The following PIEZO2 variants were observed in gnomAD, a reference collection of about 807,000 sequenced individuals.
The protein encoded by PIEZO2 is piezo-type mechanosensitive ion channel component 2.
PIEZO2 carries 172 observed loss-of-function variants against 337.3 expected under a neutral mutation model. The ratio of observed to expected loss-of-function variants is 0.51; its 90% CI spans 0.45 to 0.58. PIEZO2 has a LOEUF of 0.58. PIEZO2 is among the 20% of genes least tolerant of loss of function. The probability of loss-of-function intolerance (pLI) is 0.00; values close to 1 mark genes in which losing one functional copy is unlikely to be tolerated. For missense variants in PIEZO2, 3,028 were observed against 3,391.3 expected (o/e 0.89, Z 2.66); for synonymous variants, 1,251 against 1,228.5 (o/e 1.02, Z -0.38).
chr18:11,147,445 GC>G (rs1348952563), intron 1 of PIEZO2, among the ~76,000 whole-genome samples: 1 of 152,170 alleles, frequency 6.6e-6, no homozygotes, highest in Non-Finnish European at 1.5e-5. Context: ...TCACGCTACA[GC>G]CCCCATTCGA....
intron 8 of PIEZO2, among the ~76,000 whole-genome samples, chr18:10,805,712 G>A (rs1206587436): frequency 6.6e-6 from 1 of 152,172 alleles, no homozygotes; most frequent in African/African-American, 2.4e-5. Flanking sequence ...AAATCATTTT[G>A]TTACTATACA....
chr18:11,133,808 G>GTATATA (rs145467043), intron 1 of PIEZO2, among the ~76,000 whole-genome samples: 22 of 147,014 alleles, frequency 1.5e-4, no homozygotes, highest in African/African-American at 4.0e-4. Flanking sequence ...ATATATGTGT[G>GTATATA]TATATATATA....
chr18:11,124,841 C>T (rs1480773641), intron 1 of PIEZO2, among the ~76,000 whole-genome samples: 2 of 152,154 alleles, frequency 1.3e-5, no homozygotes, highest in Non-Finnish European at 2.9e-5. Flanking sequence ...CGTACATGGT[C>T]AGATTTTCAC....
At chr18:10,754,540 A>G (rs1336344156) in intron 27 of PIEZO2, among the ~76,000 whole-genome samples, 1 of 152,260 alleles carries the variant, frequency 6.6e-6, no homozygotes, top group Non-Finnish European at 1.5e-5. Context: ...AATGGCACAC[A>G]AAAGCTTTCC....
intron 28 of PIEZO2, among the ~76,000 whole-genome samples, chr18:10,752,396 T>C (rs2037682316): frequency 6.6e-6 from 1 of 152,226 alleles, no homozygotes; most frequent in South Asian, 2.1e-4. Flanking sequence ...TAGAATTTAT[T>C]CCTATGAACA....
At chr18:10,832,630 C>T (rs2040879295) in intron 7 of PIEZO2, among the ~76,000 whole-genome samples, 1 of 152,194 alleles carries the variant, frequency 6.6e-6, no homozygotes, top group African/African-American at 2.4e-5. Flanking sequence ...AATAACAGTA[C>T]TTGTTTAATG....
intron 2 of PIEZO2, among the ~76,000 whole-genome samples, chr18:11,022,255 G>A (rs941729489): frequency 1.3e-5 from 2 of 152,180 alleles, no homozygotes; most frequent in African/African-American, 4.8e-5. Flanking sequence ...GGGTATGACA[G>A]TAGCAGAGCC....
rs1314993947 is a variant in PIEZO2 at position 11,131,332 on chromosome 18, G to A, written c.64+17193C>T. Reference sequence around the variant, plus strand: ...CACAAGTAAGTTACATGAGGAAGTGGCTCGAATGCCTATCATCTCCACCCC... The same window carrying A: ...CACAAGTAAGTTACATGAGGAAGTGACTCGAATGCCTATCATCTCCACCCC... On this transcript the variant is annotated intron_variant, in intron 1 of 55. Coordinates refer to ENST00000674853, the MANE Select transcript of PIEZO2 (RefSeq NM_001378183.1). The surrounding 1 kb of genome is among the most constrained non-coding windows in gnomAD (Gnocchi z 5.3). Among the ~76,000 whole-genome samples, 2 of 152,158 alleles carry A rather than the reference G, an allele frequency of 1.3e-5. No homozygotes were observed. Among genetic ancestry groups the A allele is most frequent in the Admixed American group, 1.3e-4 (2 of 15,270 alleles).
chr18:10,827,121 C>T (rs544107450), intron 7 of PIEZO2, among the ~76,000 whole-genome samples: 1 of 152,272 alleles, frequency 6.6e-6, no homozygotes, highest in Admixed American at 6.5e-5. Context: ...ATACCTATTA[C>T]TGGCCTCAGT....
intron 42 of PIEZO2, among the ~76,000 whole-genome samples, chr18:10,703,613 A>G (rs950574093): frequency 6.6e-6 from 1 of 152,180 alleles, no homozygotes; most frequent in Admixed American, 6.5e-5. Flanking sequence ...AGGGAAGAAA[A>G]TCAGTCTCTT....
intron 3 of PIEZO2, among the ~76,000 whole-genome samples, chr18:10,946,221 G>C (rs2033013409): frequency 6.6e-6 from 1 of 152,178 alleles, no homozygotes. Context: ...ACAGCAGCCA[G>C]AGATAAAAGT....
chr18:10,784,815 T>G lies in PIEZO2; in HGVS notation c.2461A>C (p.Ile821Leu), dbSNP rs1380560202. ...RFLELTDLKS[I>L]PSKEDNTIYS... is the part of the protein sequence containing the mutation. The stretch of plus-strand genomic sequence containing the variant: ...ATGGTGTTGTCTTCTTTGCTGGGAA[T>G]GGACTTGAGGTCTGTGAGTTCAAGG... Residue 821 changes from isoleucine (I) to leucine (L), a missense_variant, in exon 17 of 56, where the codon ATT becomes CTT. This residue lies in a region of PIEZO2 where 1,925 missense variants were observed against 2,051.9 expected (regional missense o/e 0.94). Transcript: ENST00000674853. The surrounding 1 kb of genome is among the most constrained non-coding windows in gnomAD (Gnocchi z 4.5). 3 of 1,537,230 alleles carry G rather than the reference T, an allele frequency of 2.0e-6. No individual in the cohort carries two copies. The highest frequency in any genetic ancestry group is 2.4e-5 in the South Asian group (2 of 83,994).
At chr18:10,812,632 C>T (rs963880655) in intron 7 of PIEZO2, among the ~76,000 whole-genome samples, 15 of 152,118 alleles carry the variant, frequency 9.9e-5, no homozygotes, top group Non-Finnish European at 1.5e-5. Context: ...TGAGGTCCAG[C>T]GCACGGTTCA....
chr18:11,117,983 T>C (rs563763040), intron 1 of PIEZO2, among the ~76,000 whole-genome samples: 8 of 152,380 alleles, frequency 5.3e-5, no homozygotes, highest in Admixed American at 4.6e-4. Flanking sequence ...TTAAGCTTTC[T>C]GTTTATGTAC....
Position 10,929,887 on chromosome 18 carries a change from A to T in PIEZO2, c.287-18659T>A, listed in dbSNP as rs767360435. ...GCCCCTCAGCCCAGGAGGCCCAAAG[A>T]AGCCTAAAAAACCAGTTCAGACAAT... is the stretch of plus-strand genomic sequence containing the variant. On this transcript the variant is annotated intron_variant, in intron 3 of 55. Coordinates refer to ENST00000674853, the MANE Select transcript of PIEZO2 (RefSeq NM_001378183.1). The surrounding 1 kb of genome is among the most constrained non-coding windows in gnomAD (Gnocchi z 5.6). 1.3e-5 allele frequency among the ~76,000 whole-genome samples: 2 copies of T among 152,196 alleles called. No individual in the cohort carries two copies. The highest frequency in any genetic ancestry group is 2.9e-5 in the Non-Finnish European group (2 of 68,038).
chr18:10,880,846 C>T (rs1338893187), intron 4 of PIEZO2, among the ~76,000 whole-genome samples: 1 of 68,064 alleles, frequency 1.5e-5, no homozygotes. Flanking sequence ...TCCCACATAT[C>T]ATATATATAT....
rs369146097 is a variant in PIEZO2, at chr18:10,963,069, G to A, written c.286+16466C>T. On this transcript the variant is annotated intron_variant, in intron 3 of 55. Coordinates refer to ENST00000674853, the MANE Select transcript of PIEZO2 (RefSeq NM_001378183.1). ...TGGGAGCCTGAGGTGGGTGGATCACGAGGTCAGGAGTTCAAGACCAGCCTA... is the reference window on the plus strand; with the variant it reads ...TGGGAGCCTGAGGTGGGTGGATCACAAGGTCAGGAGTTCAAGACCAGCCTA... Among the ~76,000 whole-genome samples, 16 of 152,184 alleles carry A rather than the reference G, an allele frequency of 1.1e-4. No individual in the cohort carries two copies. In the South Asian group the frequency reaches 2.3e-3, roughly 22 times the overall value.
At chr18:10,961,870 TAAAC>T (rs1449794965) in intron 3 of PIEZO2, among the ~76,000 whole-genome samples, 4 of 152,120 alleles carry the variant, frequency 2.6e-5, no homozygotes, top group African/African-American at 7.2e-5. Flanking sequence ...GAAACAAATT[TAAAC>T]AAATAACAAA....
intron 33 of PIEZO2, chr18:10,739,223 AAT>A (rs1413659906): frequency 1.3e-5 from 2 of 152,362 alleles, no homozygotes; most frequent in Admixed American, 1.3e-4. Context: ...CCACAGTCTG[AAT>A]ATGATTCCAA....
Sources: gnomAD v4.1 joint callset for allele counts (sites outside exome capture counted in the v4.1 genomes callset) on GRCh38, gnomAD v4.1.1 for gene constraint, gnomAD v4.1.1 regional missense constraint, Gnocchi (gnomAD v3.1) non-coding constraint, MANE v1.5 for transcripts, NCBI Gene and HGNC (gene_info 2026-07-23, HGNC 2026-07-21) for gene names.